Variants in PROM2 observed in about 807,000 individuals in gnomAD.
PROM2 encodes the protein prominin-2.
A neutral mutation model predicts 110.2 loss-of-function variants in PROM2; 90 were observed. The ratio of observed to expected loss-of-function variants is 0.82; its 90% CI spans 0.69 to 0.97. The LOEUF (loss-of-function observed/expected upper bound fraction) is 0.97, where lower values mean the gene tolerates loss of function less well. Ranked by LOEUF, PROM2 falls within the 50% of genes least tolerant of loss-of-function variation. PROM2 has a pLI of 0.00. For missense variants in PROM2, 1,009 were observed against 1,074.8 expected (o/e 0.94, Z 0.86); for synonymous variants, 470 against 467.8 (o/e 1.00, Z -0.06).
rs1207682241 is a variant in PROM2 at position 95,276,117 on chromosome 2, C to T, written c.482C>T (p.Thr161Ile). 6.2e-7 allele frequency: 1 copy of T among 1,611,938 alleles called. No homozygotes were observed. Among genetic ancestry groups the T allele is most frequent in the Non-Finnish European group, 8.5e-7 (1 of 1,179,584 alleles). ...GCCCTCATGGTCTTCCTGCTGCTGA[C>T]CACCCTCTTGCTGCTGTAAGGCGCT... ...RAALMVFLLL[T>I]TLLLLIGVVC... Residue 161 changes from threonine to isoleucine, a missense_variant, in exon 3 of 24, where the codon ACC (threonine) becomes ATC (isoleucine). Thr to Ile is a moderately conservative substitution (Grantham distance 89). Coordinates refer to ENST00000317620, the MANE Select transcript of PROM2 (RefSeq NM_001165978.3). This position sits in a 1 kb window ranked among gnomAD's most constrained non-coding sequence, Gnocchi z 4.6.
At chr2:95,278,594 C>T (rs528670597) in intron 8 of PROM2, 127 bp from the exon 9 acceptor site, 6 of 1,093,064 alleles carry the variant, frequency 5.5e-6, no homozygotes, top group African/African-American at 4.6e-5. Flanking sequence ...AGGGCAGCGA[C>T]CAAGAGAAAA....
intron 13 of PROM2, 56 bp from the exon 14 acceptor site, chr2:95,282,086 A>G: frequency 1.2e-6 from 2 of 1,605,694 alleles, no homozygotes; most frequent in East Asian, 2.2e-5. Context: ...CTCAGGGGAC[A>G]TCAGCCCCCC....
intron 16 of PROM2, among the ~76,000 whole-genome samples, chr2:95,286,015 A>G (rs1345644469): frequency 1.3e-5 from 2 of 152,188 alleles, no homozygotes; most frequent in African/African-American, 4.8e-5. Context: ...GGCCTCACGC[A>G]GTTGGGCAGG....
intron 1 of PROM2, 133 bp downstream of exon 1, chr2:95,274,962 G>A: frequency 8.2e-7 from 1 of 1,223,370 alleles, no homozygotes; most frequent in Non-Finnish European, 1.1e-6. Flanking sequence ...GAAGGCGGAG[G>A]ATCTGGGGAG....
rs149529546 is a variant in PROM2, at chr2:95,288,204, G to C, written c.2245-7G>C. On this transcript the variant is annotated splice_region_variant and splice_polypyrimidine_tract_variant and intron_variant, in intron 20 of 23. Transcript: ENST00000317620. ...TCTGCATCACCTGCCTCATGTTGGC[G>C]CCACAGGTGACTCAGCGCATTGCCA... is the stretch of plus-strand genomic sequence containing the variant. 1 of 1,612,840 alleles carries C rather than the reference G, an allele frequency of 6.2e-7. No homozygotes were observed. Among genetic ancestry groups the C allele is most frequent in the African/African-American group, 1.3e-5 (1 of 74,910 alleles).
chr2:95,277,754 T>C (rs898884945), intron 7 of PROM2, 176 bp from the exon 8 acceptor site: 1 of 754,390 alleles, frequency 1.3e-6, no homozygotes, highest in Non-Finnish European at 2.2e-6. Flanking sequence ...GTGAACTTCA[T>C]GTGTGTGAGC....
In PROM2 at chr2:95,279,275, T is replaced by C. The variant is rs1573450626; in HGVS notation, c.1274+131T>C. On this transcript the variant is annotated intron_variant, in intron 10 of 23. Transcript: ENST00000317620. ...CTGTACTGAGCCTCTGTGTTTTTTG[T>C]TTGTTTGTTTGTTTTTGTTTTTTTC... is the stretch of plus-strand genomic sequence containing the variant. The C allele has an allele frequency of 5.6e-6, 4 of 714,466 alleles. No individual in the cohort carries two copies. In the East Asian group the frequency reaches 1.2e-4, roughly 22 times the overall value. 44.3% of individuals were successfully genotyped at this position (714,466 alleles called of 1,614,324 possible). A position where few individuals can be genotyped will look rare whatever the true frequency, so the allele number is the denominator to read the frequency against.
Position 95,281,458 on chromosome 2 carries a change from G to T in PROM2, c.1551+93G>T. The T allele has an allele frequency of 2.2e-6, 3 of 1,363,434 alleles. 1 individual carries two copies. The highest frequency in any genetic ancestry group is 2.6e-5 in the East Asian group (1 of 38,994). 84.5% of individuals were successfully genotyped at this position (1,363,434 alleles called of 1,614,324 possible). On this transcript the variant is annotated intron_variant, in intron 12 of 23. Coordinates refer to ENST00000317620, the MANE Select transcript of PROM2 (RefSeq NM_001165978.3). Reference sequence around the variant, plus strand: ...GGGTTGGGGGAAAGTGGGGGTCGGGGGGTAAAAGGGAGAGAGGGAGGGGAG... The same window carrying T: ...GGGTTGGGGGAAAGTGGGGGTCGGGTGGTAAAAGGGAGAGAGGGAGGGGAG...
At chr2:95,286,636 A>G in intron 17 of PROM2, 65 bp downstream of exon 17, 3 of 1,437,884 alleles carry the variant, frequency 2.1e-6, no homozygotes, top group Non-Finnish European at 2.9e-6. Flanking sequence ...GGGACAGTGA[A>G]AGGGGAGGGA....
chr2:95,283,664 C>G (rs1677174207), intron 14 of PROM2, among the ~76,000 whole-genome samples: 1 of 152,244 alleles, frequency 6.6e-6, no homozygotes, highest in Non-Finnish European at 1.5e-5. Context: ...GGACGCTCCA[C>G]TCTGACCTCA....
intron 14 of PROM2, 88 bp from the exon 15 acceptor site, chr2:95,284,881 G>A (rs542750879): frequency 7.9e-6 from 11 of 1,388,772 alleles, no homozygotes; most frequent in East Asian, 5.0e-5. Flanking sequence ...AAACCATATC[G>A]CCTGGTGACC....
chr2:95,274,987 C>G, intron 1 of PROM2, 158 bp downstream of exon 1: 1 of 886,492 alleles, frequency 1.1e-6, no homozygotes, highest in South Asian at 2.3e-5. Flanking sequence ...CCAGAACCTG[C>G]TGTGTGACTG....
At chr2:95,280,179 G>A (rs992670702) in intron 11 of PROM2, among the ~76,000 whole-genome samples, 182 bp downstream of exon 11, 3 of 152,158 alleles carry the variant, frequency 2.0e-5, no homozygotes, top group African/African-American at 7.2e-5. Flanking sequence ...GGCAACTGTA[G>A]CACCTAATGG....
chr2:95,288,209 A>C lies in PROM2; in HGVS notation c.2245-2A>C, dbSNP rs1245257879. 3 of 1,613,450 alleles carry C rather than the reference A, an allele frequency of 1.9e-6. No homozygotes were observed. Among genetic ancestry groups the C allele is most frequent in the Non-Finnish European group, 2.5e-6 (3 of 1,179,992 alleles). On this transcript the variant is annotated splice_acceptor_variant, in intron 20 of 23. Transcript: ENST00000317620. LOFTEE classifies it high-confidence loss of function. ...ATCACCTGCCTCATGTTGGCGCCAC[A>C]GGTGACTCAGCGCATTGCCACCTGC...
Position 95,276,525 on chromosome 2 carries a change from C to G in PROM2, c.619-69C>G. The G allele has an allele frequency of 6.2e-7, 1 of 1,609,366 alleles. No individual in the cohort carries two copies. The highest frequency in any genetic ancestry group is 8.5e-7 in the Non-Finnish European group (1 of 1,176,100). ...GATGCCATAGGGGCAGGGAAGGGGCCAGGGAGAGAAGGGCGTAAGGACTGT... is the reference window on the plus strand; with the variant it reads ...GATGCCATAGGGGCAGGGAAGGGGCGAGGGAGAGAAGGGCGTAAGGACTGT... On this transcript the variant is annotated intron_variant, in intron 4 of 23. Transcript: ENST00000317620. This position sits in a 1 kb window ranked among gnomAD's most constrained non-coding sequence, Gnocchi z 4.6.
chr2:95,277,988 C>G lies in PROM2; in HGVS notation c.1034C>G (p.Ser345Cys), dbSNP rs1326402678. 2 of 1,610,582 alleles carry G rather than the reference C, an allele frequency of 1.2e-6. No individual in the cohort carries two copies. The highest frequency in any genetic ancestry group is 2.2e-5 in the East Asian group (1 of 44,456). ...QLKGVPEANF[S>C]SMVQEENSTF... ...AAAGGTGTCCCCGAGGCCAACTTCT[C>G]CAGCATGGTCCAGGAGGTGAGAGCC... Residue 345 changes from serine (S) to cysteine (C), a missense_variant, in exon 8 of 24, where the codon TCC (serine) becomes TGC (cysteine). By Grantham distance (112) the Ser-to-Cys change is moderately radical. Coordinates refer to ENST00000317620, the MANE Select transcript of PROM2 (RefSeq NM_001165978.3).
intron 20 of PROM2, 94 bp downstream of exon 20, chr2:95,287,558 G>C: frequency 3.8e-6 from 5 of 1,319,718 alleles, no homozygotes; most frequent in Non-Finnish European, 5.3e-6. Flanking sequence ...GGAGCCCCTT[G>C]GGGGTGACCC....
At chr2:95,278,332 C>T (rs1402368617) in intron 8 of PROM2, 7 of 529,006 alleles carry the variant, frequency 1.3e-5, no homozygotes, top group Non-Finnish European at 3.4e-6. Context: ...GGACCCAGGA[C>T]CTGGAGCTGG....
chr2:95,285,362 C>T (rs1677293249), intron 15 of PROM2, among the ~76,000 whole-genome samples: 1 of 152,230 alleles, frequency 6.6e-6, no homozygotes, highest in African/African-American at 2.4e-5. Context: ...GTTCATGGTC[C>T]TGAACCCACT....
Sources: allele counts gnomAD v4.1 joint callset (sites outside exome capture counted in the v4.1 genomes callset), GRCh38; gene constraint gnomAD v4.1.1; non-coding constraint Gnocchi (gnomAD v3.1); transcripts MANE v1.5; gene names NCBI Gene and HGNC (gene_info 2026-07-23, HGNC 2026-07-21).